MAP3K20: variants seen among roughly 807,000 people sequenced by gnomAD.
The protein encoded by MAP3K20 is HCCS-4.
A neutral mutation model predicts 85.7 loss-of-function variants in MAP3K20; 40 were observed. The observed-to-expected ratio is 0.47, with a 90% CI of 0.36 to 0.61. MAP3K20 has a LOEUF of 0.61. MAP3K20 is among the 20% of genes least tolerant of loss of function. The pLI is 0.00. For missense variants in MAP3K20, 817 were observed against 961.7 expected (o/e 0.85, Z 1.99); for synonymous variants, 325 against 327.7 (o/e 0.99, Z 0.09).
At chr2:173,191,012 A>G (rs1302126895) in intron 6 of MAP3K20, 28 bp from the exon 7 acceptor site, 1 of 1,611,696 alleles carries the variant, frequency 6.2e-7, no homozygotes, top group African/African-American at 1.3e-5. Flanking sequence ...AATAAGTAGA[A>G]AGTTGACACT....
At chr2:173,210,100 C>G (rs1574114540) in intron 10 of MAP3K20, 1 of 375,220 alleles carries the variant, frequency 2.7e-6, no homozygotes, top group East Asian at 6.1e-5. Context: ...GCCTGTAATC[C>G]CAGCTCTTTG....
intron 2 of MAP3K20, among the ~76,000 whole-genome samples, chr2:173,133,810 C>T (rs975857096): frequency 6.6e-6 from 1 of 151,400 alleles, no homozygotes; most frequent in African/African-American, 2.4e-5. Flanking sequence ...TGGTGAAACC[C>T]CATCTCTACT....
At chr2:173,231,907 A>C (rs1684531243) in intron 12 of MAP3K20, among the ~76,000 whole-genome samples, 1 of 152,228 alleles carries the variant, frequency 6.6e-6, no homozygotes, top group Non-Finnish European at 1.5e-5. Flanking sequence ...ATAAATGGAA[A>C]AATCACTATA....
At chr2:173,141,135 TACCAC>T (rs1269762052) in intron 2 of MAP3K20, among the ~76,000 whole-genome samples, 2 of 152,222 alleles carry the variant, frequency 1.3e-5, no homozygotes, top group African/African-American at 4.8e-5. Flanking sequence ...CACGTAGAGC[TACCAC>T]ATTCCTTTTA....
chr2:173,086,792 A>G (rs1054035223), intron 1 of MAP3K20, among the ~76,000 whole-genome samples: 2 of 152,190 alleles, frequency 1.3e-5, no homozygotes, highest in African/African-American at 4.8e-5. Flanking sequence ...TAAGGCTTAC[A>G]TGAATTCATA....
intron 10 of MAP3K20, chr2:173,214,539 C>A (rs973822604): frequency 5.9e-5 from 9 of 152,114 alleles, no homozygotes; most frequent in African/African-American, 2.2e-4. Flanking sequence ...TGCAATTGCA[C>A]AAATCATGTA....
At chr2:173,201,318 A>T (rs1003896936) in intron 8 of MAP3K20, among the ~76,000 whole-genome samples, 2 of 152,190 alleles carry the variant, frequency 1.3e-5, no homozygotes, top group African/African-American at 4.8e-5. Flanking sequence ...TTACTCATAA[A>T]TTTTTTAAAT....
chr2:173,121,997 T>C (rs1405027398), intron 2 of MAP3K20, among the ~76,000 whole-genome samples: 1 of 152,238 alleles, frequency 6.6e-6, no homozygotes, highest in Non-Finnish European at 1.5e-5. Context: ...CATATAATTG[T>C]ATTCATTTGA....
At chr2:173,239,653 A>G (rs1684735604) in intron 16 of MAP3K20, among the ~76,000 whole-genome samples, 157 bp downstream of exon 16, 1 of 152,230 alleles carries the variant, frequency 6.6e-6, no homozygotes, top group Non-Finnish European at 1.5e-5. Flanking sequence ...AAAGGCTGCC[A>G]GCTGCCTCTG....
Position 173,266,490 on chromosome 2 carries a change from T to C in MAP3K20, c.2143T>C (p.Tyr715His). Reference protein sequence around the residue: ...PSRGRYPGKFYRVSQSALNPH... With the variant: ...PSRGRYPGKFHRVSQSALNPH... ...AAGAGGAAGATACCCTGGAAAGTTC[T>C]ACAGGGTTTCTCAGTCAGCACTCAA... The change falls in exon 20 of 20, where the codon TAC (tyrosine) becomes CAC (histidine). Residue 715 changes from tyrosine (Y) to histidine (H), a missense_variant. By Grantham distance (83) the Tyr-to-His change is moderately conservative. Transcript: ENST00000375213. 1.2e-6 allele frequency: 2 copies of C among 1,614,164 alleles called. No individual in the cohort carries two copies. The highest frequency in any genetic ancestry group is 1.1e-5 in the South Asian group (1 of 91,086).
At chr2:173,102,968 G>A (rs541067629) in intron 2 of MAP3K20, among the ~76,000 whole-genome samples, 12 of 152,008 alleles carry the variant, frequency 7.9e-5, no homozygotes, top group African/African-American at 2.2e-4. Context: ...GAGGAGAATC[G>A]CTTGAACCCA....
At chr2:173,239,780 A>G (rs62174362) in intron 16 of MAP3K20, among the ~76,000 whole-genome samples, 3,818 of 152,310 alleles carry the variant, frequency 0.025, 56 homozygotes, top group Non-Finnish European at 0.039. Flanking sequence ...CGTGGATACC[A>G]GACTGTGTAT....
chr2:173,203,899 A>G (rs1160572329), intron 9 of MAP3K20, 29 bp downstream of exon 9: 3 of 1,594,434 alleles, frequency 1.9e-6, no homozygotes, highest in Non-Finnish European at 2.6e-6. Flanking sequence ...GTTATTGTTT[A>G]GAATTCTGAA....
intron 2 of MAP3K20, among the ~76,000 whole-genome samples, chr2:173,094,979 A>G (rs1375367530): frequency 1.3e-5 from 2 of 152,258 alleles, no homozygotes; most frequent in Non-Finnish European, 2.9e-5. Flanking sequence ...GTTTGGATCA[A>G]ATAGTACTAT....
At chr2:173,121,744 C>T (rs577477119) in intron 2 of MAP3K20, among the ~76,000 whole-genome samples, 33 of 152,200 alleles carry the variant, frequency 2.2e-4, no homozygotes, top group East Asian at 5.8e-4. Flanking sequence ...GATGCCCCCC[C>T]GCCGCCCACC....
chr2:173,166,182 C>T (rs888618271), intron 2 of MAP3K20, among the ~76,000 whole-genome samples: 2 of 152,200 alleles, frequency 1.3e-5, no homozygotes, highest in African/African-American at 4.8e-5. Flanking sequence ...TAGAATCATA[C>T]AGTATCTGCC....
intron 2 of MAP3K20, among the ~76,000 whole-genome samples, chr2:173,156,996 A>C (rs1385497257): frequency 1.3e-5 from 2 of 152,190 alleles, no homozygotes; most frequent in African/African-American, 4.8e-5. Context: ...AATACAGTCA[A>C]CCCTTGAACA....
intron 2 of MAP3K20, among the ~76,000 whole-genome samples, chr2:173,165,247 GA>G (rs11310645): frequency 0.064 from 9,304 of 144,946 alleles, 337 homozygotes; most frequent in African/African-American, 0.11. Flanking sequence ...TGTCTCTACT[GA>G]AAAAAAAAAA....
Position 173,266,461 on chromosome 2 carries a change from C to G in MAP3K20, c.2114C>G (p.Pro705Arg). The part of the protein sequence containing the change: ...RYSGKSQHST[P>R]SRGRYPGKFY... ...AGTGGAAAGAGTCAGCATTCCACTC[C>G]TTCAAGAGGAAGATACCCTGGAAAG... Residue 705 changes from proline (P) to arginine (R), a missense_variant, in exon 20 of 20, where the codon CCT (proline) becomes CGT (arginine). By Grantham distance (103) the Pro-to-Arg change is moderately radical. This residue lies in a region of MAP3K20 where 454 missense variants were observed against 476.9 expected (regional missense o/e 0.95). Coordinates refer to ENST00000375213, the MANE Select transcript of MAP3K20 (RefSeq NM_016653.3). The G allele has an allele frequency of 6.2e-7, 1 of 1,614,110 alleles. No individual in the cohort carries two copies. The highest frequency in any genetic ancestry group is 1.1e-5 in the South Asian group (1 of 91,072).
Sources: gnomAD v4.1 joint callset for allele counts (sites outside exome capture counted in the v4.1 genomes callset) on GRCh38, gnomAD v4.1.1 for gene constraint, gnomAD v4.1.1 regional missense constraint, MANE v1.5 for transcripts, NCBI Gene and HGNC (gene_info 2026-07-23, HGNC 2026-07-21) for gene names.